The following RPL12 variants were observed in gnomAD, a reference collection of about 807,000 sequenced individuals.
The protein encoded by RPL12 is large ribosomal subunit protein uL11.
A neutral mutation model predicts 24.5 loss-of-function variants in RPL12; 10 were observed. That is an observed-to-expected ratio of 0.41 (90% CI 0.25 to 0.69). RPL12 has a LOEUF of 0.69. Among genes scored for constraint, RPL12 ranks in the 30% least tolerant of loss-of-function variants. The probability of loss-of-function intolerance (pLI) is 0.33; values close to 1 mark genes in which losing one functional copy is unlikely to be tolerated. For missense variants in RPL12, 137 were observed against 205.3 expected, an observed-to-expected ratio of 0.67 and a Z score of 2.03; for synonymous variants, 74 against 76.1, an observed-to-expected ratio of 0.97 and a Z score of 0.14.
intron 2 of RPL12, 116 bp from the exon 3 acceptor site, chr9:127,449,824 C>A: frequency 1.3e-6 from 1 of 756,750 alleles, no homozygotes. Flanking sequence ...CTAAGGGCAC[C>A]TTCTCAATCA....
At chr9:127,451,207 G>A (rs1834302372) in intron 1 of RPL12, 74 bp downstream of exon 1, 11 of 1,582,832 alleles carry the variant, frequency 6.9e-6, no homozygotes, top group Non-Finnish European at 9.5e-6. Context: ...GCCCCATACG[G>A]GGAAAGCTTT....
At chr9:127,448,832 CTTT>C (rs368058964) in intron 4 of RPL12, among the ~76,000 whole-genome samples, 23,907 of 143,620 alleles carry the variant, frequency 0.17, 2,404 homozygotes, top group Non-Finnish European at 0.24. Context: ...CTACATGGCA[CTTT>C]TTTTTTTTTT....
chr9:127,451,238 G>A lies in RPL12; in HGVS notation c.37+43C>T, dbSNP rs750749720. On this transcript the variant is annotated intron_variant, in intron 1 of 6. Coordinates refer to ENST00000361436, the MANE Select transcript of RPL12 (RefSeq NM_000976.4). ...GCTTTGCACGCGCGGCAGGGCCGAG[G>A]GATGCTCCATCCCGCAGCCCCGGCC... The A allele has an allele frequency of 5.0e-6, 8 of 1,607,636 alleles. No homozygotes were observed. In the Admixed American group the frequency reaches 5.0e-5, roughly 10 times the overall value.
intron 3 of RPL12, 103 bp downstream of exon 3, chr9:127,449,507 A>ACT: frequency 7.6e-7 from 1 of 1,307,534 alleles, no homozygotes; most frequent in Non-Finnish European, 1.1e-6. Context: ...AGGTGAAATC[A>ACT]CTCTCGGCTC....
rs200477216 is a variant in RPL12, at chr9:127,447,695, C to G, written c.*26G>C. 3.4e-5 allele frequency: 55 copies of G among 1,613,200 alleles called. No individual in the cohort carries two copies. Among genetic ancestry groups the G allele is most frequent in the Admixed American group, 8.4e-5 (5 of 59,822 alleles). On this transcript the variant is annotated 3_prime_UTR_variant, in exon 7 of 7. Coordinates refer to ENST00000361436, the MANE Select transcript of RPL12 (RefSeq NM_000976.4). ...AAAATCCACCAGTTGTCAAATGATC[C>G]TTTATTGAAATGTTTTCCTTTGTGC...
chr9:127,449,165 T>C (rs950756356), intron 4 of RPL12, 116 bp downstream of exon 4: 11 of 790,410 alleles, frequency 1.4e-5, no homozygotes, highest in Admixed American at 7.1e-5. Context: ...GCCCTAACCA[T>C]ATCAACACCC....
At chr9:127,449,170 A>G in intron 4 of RPL12, 111 bp downstream of exon 4, 1 of 825,336 alleles carries the variant, frequency 1.2e-6, no homozygotes, top group Non-Finnish European at 1.9e-6. Context: ...AACCATATCA[A>G]CACCCAATAC....
chr9:127,450,998 G>A (rs994489901), intron 1 of RPL12, 194 bp from the exon 2 acceptor site: 3 of 638,314 alleles, frequency 4.7e-6, no homozygotes. Context: ...AGAGAGCCCC[G>A]TCGCCCGCTA....
chr9:127,449,599 C>T lies in RPL12; in HGVS notation c.210+11G>A, dbSNP rs779208101. The T allele has an allele frequency of 2.5e-6, 4 of 1,612,742 alleles. No individual in the cohort carries two copies. Among genetic ancestry groups the T allele is most frequent in the Non-Finnish European group, 8.5e-7 (1 of 1,178,760 alleles). Reference sequence around the variant, plus strand: ...CACCCTCCTCTCCCGAAACCAAGCACAAGCAAATACCTGGGCCTGTCTGTT... The same window carrying T: ...CACCCTCCTCTCCCGAAACCAAGCATAAGCAAATACCTGGGCCTGTCTGTT... On this transcript the variant is annotated intron_variant, in intron 3 of 6. Transcript: ENST00000361436.
intron 4 of RPL12, 125 bp from the exon 5 acceptor site, chr9:127,448,548 C>T: frequency 1.3e-6 from 1 of 785,776 alleles, no homozygotes; most frequent in Non-Finnish European, 2.3e-6. Context: ...GAAGAACAAC[C>T]CTGTTTCCTA....
At chr9:127,448,976 C>T (rs1344536369) in intron 4 of RPL12, 4 of 347,928 alleles carry the variant, frequency 1.1e-5, no homozygotes, top group Middle Eastern at 9.7e-4. Context: ...GGTCTACAGG[C>T]GAGCACCACC....
At chr9:127,450,072 G>C (rs1462950244) in intron 2 of RPL12, 1 of 230,696 alleles carries the variant, frequency 4.3e-6, no homozygotes, top group African/African-American at 2.3e-5. Context: ...TTGCTACTCT[G>C]AAGTTCTCCT....
At chr9:127,450,525 A>G (rs78283142) in intron 2 of RPL12, 58 of 534,076 alleles carry the variant, frequency 1.1e-4, no homozygotes, top group African/African-American at 1.0e-3. Context: ...GTGGAGACAC[A>G]TGGAGCTAAT....
At chr9:127,450,496 C>T (rs1834271110) in intron 2 of RPL12, 1 of 492,680 alleles carries the variant, frequency 2.0e-6, no homozygotes, top group Non-Finnish European at 3.6e-6. Context: ...GCCCACCCCT[C>T]AGGTACACTA....
In RPL12 at chr9:127,448,641, C is replaced by G. The variant is rs754549858; in HGVS notation, c.293-218G>C. 1.6e-4 allele frequency: 118 copies of G among 743,720 alleles called. No homozygotes were observed. The African/African-American group carries it at 1.9e-3, about 12-fold the overall frequency. The allele number at this position is 743,720 out of a possible 1,614,324, so 46.1% of individuals were successfully genotyped here. ...AGGTGCAGTGGCGGGTGGCTGAGGG[C>G]AAAACCAAGCCTTCACAAATCTGAC... On this transcript the variant is annotated intron_variant, in intron 4 of 6. Coordinates refer to ENST00000361436, the MANE Select transcript of RPL12 (RefSeq NM_000976.4).
intron 2 of RPL12, chr9:127,449,923 C>T: frequency 1.8e-6 from 1 of 553,324 alleles, no homozygotes; most frequent in Non-Finnish European, 3.3e-6. Context: ...GTAACCTAGA[C>T]CCCCTCCTAA....
intron 3 of RPL12, 110 bp from the exon 4 acceptor site, chr9:127,449,472 T>G: frequency 7.6e-7 from 1 of 1,310,736 alleles, no homozygotes; most frequent in South Asian, 1.2e-5. Flanking sequence ...CCTAGGTCCG[T>G]ACTCTTGACA....
In RPL12 at chr9:127,449,263, AG is replaced by A. The variant is rs1834226742; in HGVS notation, c.292+17del. 2 of 1,606,612 alleles carry A rather than the reference AG, an allele frequency of 1.2e-6. No homozygotes were observed. The highest frequency in any genetic ancestry group is 1.3e-5 in the African/African-American group (1 of 74,598). Reference sequence around the variant, plus strand: ...CACAAACCATTACCAAAACCAAACTAGGGAAAAGACAACTTACTGTTTTTCT... The same window carrying A: ...CACAAACCATTACCAAAACCAAACTAGGAAAAGACAACTTACTGTTTTTCT... On this transcript the variant is annotated intron_variant, in intron 4 of 6. Coordinates refer to ENST00000361436, the MANE Select transcript of RPL12 (RefSeq NM_000976.4).
Position 127,450,824 on chromosome 9 carries a change from A to G in RPL12, c.38-20T>C. ...GGTATACTGGGGGAAAAGAAGAGTTAGTGTCTGTGCAGAGGGAGCCCCGAG... is the reference window on the plus strand; with the variant it reads ...GGTATACTGGGGGAAAAGAAGAGTTGGTGTCTGTGCAGAGGGAGCCCCGAG... On this transcript the variant is annotated intron_variant, in intron 1 of 6. Transcript: ENST00000361436. 1 of 1,540,280 alleles carries G rather than the reference A, an allele frequency of 6.5e-7. No homozygotes were observed. The highest frequency in any genetic ancestry group is 8.8e-7 in the Non-Finnish European group (1 of 1,139,398).
Sources: gnomAD v4.1 joint callset for allele counts (sites outside exome capture counted in the v4.1 genomes callset) on GRCh38, gnomAD v4.1.1 for gene constraint, MANE v1.5 for transcripts, NCBI Gene and HGNC (gene_info 2026-07-23, HGNC 2026-07-21) for gene names.